SRP68: variants seen among roughly 807,000 people sequenced by gnomAD.
SRP68 encodes the protein signal recognition particle 68, also known as signal recognition particle subunit SRP68.
A neutral mutation model predicts 82.2 loss-of-function variants in SRP68; 15 were observed. The ratio of observed to expected loss-of-function variants is 0.18; its 90% CI spans 0.12 to 0.28. The LOEUF is 0.28. Among genes scored for constraint, SRP68 ranks in the 10% least tolerant of loss-of-function variants. The pLI is 1.00. For missense variants in SRP68, 595 were observed against 780.5 expected (o/e 0.76, Z 2.83); for synonymous variants, 261 against 292.6 (o/e 0.89, Z 1.10).
At chr17:76,057,065 G>A (rs2066718540) in intron 8 of SRP68, among the ~76,000 whole-genome samples, 1 of 152,210 alleles carries the variant, frequency 6.6e-6, no homozygotes, top group South Asian at 2.1e-4. Flanking sequence ...ACGACAACAT[G>A]TCAGAGAAAC....
At position 76,039,523 on chromosome 17, in the gene SRP68, G is replaced by A. The variant is rs976167468; in HGVS notation, c.*183C>T. On this transcript the variant is annotated 3_prime_UTR_variant, in exon 16 of 16. Coordinates refer to ENST00000307877, the MANE Select transcript of SRP68 (RefSeq NM_014230.4). ...CACATTTACCAGAAGACAACAGGGT[G>A]CTCTCCTGACACGCTGCTTAAGAAC... is the stretch of plus-strand genomic sequence containing the variant. 1.5e-6 allele frequency: 1 copy of A among 663,246 alleles called. No individual in the cohort carries two copies. Among genetic ancestry groups the A allele is most frequent in the African/African-American group, 1.8e-5 (1 of 55,704 alleles). The allele number at this position is 663,246 out of a possible 1,614,324, so 41.1% of individuals were successfully genotyped here.
At position 76,047,975 on chromosome 17, in the gene SRP68, A is replaced by G; in HGVS notation, c.1078-5T>C. ...AAGGATATAATCTCTCTGTTTCTGC[A>G]GAAAGTGAAAAAGGTAAAAAGTAAA... is the stretch of plus-strand genomic sequence containing the variant. On this transcript the variant is annotated splice_region_variant and splice_polypyrimidine_tract_variant and intron_variant, in intron 9 of 15. Coordinates refer to ENST00000307877, the MANE Select transcript of SRP68 (RefSeq NM_014230.4). The G allele has an allele frequency of 6.4e-7, 1 of 1,567,960 alleles. No individual in the cohort carries two copies. The highest frequency in any genetic ancestry group is 8.7e-7 in the Non-Finnish European group (1 of 1,153,742).
intron 6 of SRP68, 57 bp from the exon 7 acceptor site, chr17:76,060,447 C>A (rs1298125285): frequency 7.9e-7 from 1 of 1,269,602 alleles, no homozygotes; most frequent in Non-Finnish European, 1.1e-6. Flanking sequence ...TTGAGAATCA[C>A]TAGATTCAAC....
intron 12 of SRP68, 187 bp downstream of exon 12, chr17:76,045,105 C>T (rs1416058176): frequency 1.7e-5 from 9 of 536,774 alleles, no homozygotes; most frequent in Non-Finnish European, 3.0e-5. Context: ...GACATCATCA[C>T]TGGCCACTAC....
intron 9 of SRP68, 82 bp from the exon 10 acceptor site, chr17:76,048,052 C>A: frequency 2.4e-6 from 2 of 840,632 alleles, no homozygotes; most frequent in Non-Finnish European, 3.6e-6. Flanking sequence ...GTGGGGTCTC[C>A]AAAGTGCCCT....
chr17:76,040,518 A>G (rs769849758), intron 14 of SRP68, 44 bp from the exon 15 acceptor site: 1 of 1,588,996 alleles, frequency 6.3e-7, no homozygotes, highest in Non-Finnish European at 8.6e-7. Context: ...GATTTATAAT[A>G]GCACACTAAT....
intron 3 of SRP68, 48 bp downstream of exon 3, chr17:76,067,169 A>T (rs757931847): frequency 7.4e-7 from 1 of 1,348,802 alleles, no homozygotes; most frequent in Non-Finnish European, 1.1e-6. Flanking sequence ...TTGTTCAATA[A>T]ATGTATTAGC....
At position 76,039,036 on chromosome 17, in the gene SRP68, G is replaced by T. The variant is rs755260173; in HGVS notation, c.*670C>A. 36 of 212,886 alleles carry T rather than the reference G, an allele frequency of 1.7e-4. 1 individual carries two copies. The highest frequency in any genetic ancestry group is 3.4e-4 in the Non-Finnish European group (35 of 101,656). 13.2% of individuals were successfully genotyped at this position (212,886 alleles called of 1,614,324 possible). A position where few individuals can be genotyped will look rare whatever the true frequency, so the allele number is the denominator to read the frequency against. On this transcript the variant is annotated 3_prime_UTR_variant, in exon 16 of 16. Transcript: ENST00000307877. ...TTACACTTGACCTCACCGGCTTCAC[G>T]CAACTAGGCTCCCGAGGAGAGAACG...
At position 76,072,151 on chromosome 17, in the gene SRP68, C is replaced by A; in HGVS notation, c.184+157G>T. ...GGAAAGACTAGTCGAGAGACAGACC[C>A]CCCCCGGAATTCTGAGCACCAAAAG... On this transcript the variant is annotated intron_variant, in intron 1 of 15. Transcript: ENST00000307877. The surrounding 1 kb of genome is among the most constrained non-coding windows in gnomAD (Gnocchi z 4.5). 1 of 1,408,578 alleles carries A rather than the reference C, an allele frequency of 7.1e-7. No homozygotes were observed. The highest frequency in any genetic ancestry group is 9.6e-7 in the Non-Finnish European group (1 of 1,044,438). 87.3% of individuals were successfully genotyped at this position (1,408,578 alleles called of 1,614,324 possible).
Position 76,043,978 on chromosome 17 carries a change from G to A in SRP68, c.1395-20C>T. The A allele has an allele frequency of 1.9e-6, 3 of 1,589,938 alleles. No individual in the cohort carries two copies. The highest frequency in any genetic ancestry group is 1.9e-5 in the Admixed American group (1 of 52,720). On this transcript the variant is annotated intron_variant, in intron 12 of 15. Transcript: ENST00000307877. ...AAACACCTGATGGGGAGGGAAAAGA[G>A]CCACAATATTCTAAAGCAGCAATTA...
At chr17:76,049,946 G>A (rs1287004826) in intron 9 of SRP68, among the ~76,000 whole-genome samples, 1 of 152,188 alleles carries the variant, frequency 6.6e-6, no homozygotes, top group African/African-American at 2.4e-5. Context: ...CAAGCCAGAA[G>A]AAGCAATTAG....
intron 4 of SRP68, among the ~76,000 whole-genome samples, chr17:76,063,629 A>T (rs1396759839): frequency 6.6e-6 from 1 of 151,470 alleles, no homozygotes; most frequent in Non-Finnish European, 1.5e-5. Context: ...CAGACGTTGC[A>T]GTGAGCTGAG....
At chr17:76,058,612 A>G (rs1184977115) in intron 7 of SRP68, among the ~76,000 whole-genome samples, 4 of 152,224 alleles carry the variant, frequency 2.6e-5, no homozygotes, top group Non-Finnish European at 4.4e-5. Flanking sequence ...TTAGCTACAG[A>G]AATTCAAATA....
intron 9 of SRP68, among the ~76,000 whole-genome samples, chr17:76,050,120 C>T (rs777108513): frequency 4.5e-4 from 68 of 152,280 alleles, no homozygotes; most frequent in Admixed American, 1.3e-3. Context: ...GAATCAACCA[C>T]AGGGATAGTG....
rs73361834 is a variant in SRP68 at position 76,057,635 on chromosome 17, T to C, written c.838-92A>G. 1.1e-3 allele frequency: 1,519 copies of C among 1,371,960 alleles called. 11 individuals are homozygous for C. In the African/African-American group the frequency reaches 0.019, roughly 17 times the overall value. 85.0% of individuals were successfully genotyped at this position (1,371,960 alleles called of 1,614,324 possible). A position where few individuals can be genotyped will look rare whatever the true frequency, so the allele number is the denominator to read the frequency against. ...GGAATCTATCATTTGTCTCTTTGTATAACCAACATATTATACTCCATAGAA... is the reference window on the plus strand; with the variant it reads ...GGAATCTATCATTTGTCTCTTTGTACAACCAACATATTATACTCCATAGAA... On this transcript the variant is annotated intron_variant, in intron 7 of 15. Transcript: ENST00000307877.
At position 76,041,976 on chromosome 17, in the gene SRP68, C is replaced by T. The variant is rs530286343; in HGVS notation, c.1525-998G>A. ...TTGGCTCACTGCAAGCTCCGCCTCC[C>T]GCGTTCACGCCATTCTCCTGCCTCA... On this transcript the variant is annotated intron_variant, in intron 13 of 15. Transcript: ENST00000307877. Among the ~76,000 whole-genome samples the T allele has an allele frequency of 8.5e-5, 13 of 152,188 alleles. No homozygotes were observed. The East Asian group carries it at 1.8e-3, about 21-fold the overall frequency.
chr17:76,043,884 A>C lies in SRP68; in HGVS notation c.1469T>G (p.Leu490Arg). The part of the protein sequence containing the change: ...SEALVLYDRV[L>R]KYANEVNSDA... ...AGAATTTACTTCATTTGCATATTTC[A>C]GGACTCTGTCATACAGGACAAGGGC... The change falls in exon 13 of 16, where the codon CTG becomes CGG. Residue 490 changes from leucine to arginine, a missense_variant. Transcript: ENST00000307877. The C allele has an allele frequency of 1.2e-6, 2 of 1,611,940 alleles. No homozygotes were observed. The highest frequency in any genetic ancestry group is 1.7e-6 in the Non-Finnish European group (2 of 1,179,412).
At chr17:76,062,763 AT>A (rs1409787448) in intron 4 of SRP68, among the ~76,000 whole-genome samples, 70 of 80,768 alleles carry the variant, frequency 8.7e-4, no homozygotes, top group South Asian at 2.2e-3. Flanking sequence ...ATATATATAT[AT>A]AAAATATATA....
At chr17:76,061,081 G>T in intron 6 of SRP68, 29 bp downstream of exon 6, 3 of 1,355,522 alleles carry the variant, frequency 2.2e-6, no homozygotes, top group South Asian at 2.4e-5. Flanking sequence ...TGTTCAAGTT[G>T]AGTATAATGC....
Sources: allele counts gnomAD v4.1 joint callset (sites outside exome capture counted in the v4.1 genomes callset), GRCh38; gene constraint gnomAD v4.1.1; non-coding constraint Gnocchi (gnomAD v3.1); transcripts MANE v1.5; gene names NCBI Gene and HGNC (gene_info 2026-07-23, HGNC 2026-07-21).